Variants in ATP11A observed in about 807,000 individuals in gnomAD.
The protein encoded by ATP11A is phospholipid-transporting ATPase IH.
A neutral mutation model predicts 154.4 loss-of-function variants in ATP11A; 81 were observed. The ratio of observed to expected loss-of-function variants is 0.52; its 90% CI spans 0.44 to 0.63. The LOEUF is 0.63. Ranked by LOEUF, ATP11A falls within the 30% of genes least tolerant of loss-of-function variation. The probability of loss-of-function intolerance (pLI) is 0.00; values close to 1 mark genes in which losing one functional copy is unlikely to be tolerated. For synonymous variants in ATP11A, 623 were observed against 585.9 expected (o/e 1.06, Z -0.91); for missense variants, 1,316 against 1,474.3 (o/e 0.89, Z 1.76).
intron 1 of ATP11A, among the ~76,000 whole-genome samples, chr13:112,749,423 A>G (rs2139802272): frequency 6.6e-6 from 1 of 152,358 alleles, no homozygotes; most frequent in African/African-American, 2.4e-5. Flanking sequence ...CATTCTCAAA[A>G]ATATTCCCAG....
At chr13:112,848,266 C>G (rs557730458) in intron 17 of ATP11A, among the ~76,000 whole-genome samples, 1 of 152,280 alleles carries the variant, frequency 6.6e-6, no homozygotes, top group African/African-American at 2.4e-5. Flanking sequence ...TGGTATTTTT[C>G]AGCCTTGAGT....
chr13:112,715,286 C>T (rs1384510271), intron 1 of ATP11A, among the ~76,000 whole-genome samples: 1 of 152,046 alleles, frequency 6.6e-6, no homozygotes, highest in Non-Finnish European at 1.5e-5. Context: ...AGAGAGGCAC[C>T]AACCTGGGGT....
At chr13:112,774,560 A>G (rs1283950427) in intron 1 of ATP11A, among the ~76,000 whole-genome samples, 1 of 152,234 alleles carries the variant, frequency 6.6e-6, no homozygotes, top group Admixed American at 6.5e-5. Flanking sequence ...ACCCACTCAC[A>G]AAAGACGTGT....
intron 1 of ATP11A, among the ~76,000 whole-genome samples, chr13:112,716,852 C>T (rs746934319): frequency 2.6e-5 from 4 of 152,032 alleles, no homozygotes; most frequent in African/African-American, 7.3e-5. Context: ...TCAATTTCTG[C>T]GTTCTAAAGA....
chr13:112,702,482 G>C (rs112107944), intron 1 of ATP11A, among the ~76,000 whole-genome samples: 1,849 of 152,328 alleles, frequency 0.012, 39 homozygotes, highest in East Asian at 0.051. Flanking sequence ...GCGTGATGGT[G>C]TCTCCCTCTG....
At chr13:112,783,773 C>T (rs991886475) in intron 1 of ATP11A, among the ~76,000 whole-genome samples, 14 of 152,250 alleles carry the variant, frequency 9.2e-5, no homozygotes, top group African/African-American at 3.1e-4. Flanking sequence ...TTGGATTTCC[C>T]GTTACGAGCT....
At chr13:112,749,780 G>A (rs1240405908) in intron 1 of ATP11A, among the ~76,000 whole-genome samples, 25 of 148,272 alleles carry the variant, frequency 1.7e-4, no homozygotes, top group African/African-American at 6.3e-4. Flanking sequence ...GTGGGGACAC[G>A]CCTGCTGAAG....
chr13:112,816,026 G>C (rs1038368113), intron 5 of ATP11A, 57 bp from the exon 6 acceptor site: 1 of 1,608,308 alleles, frequency 6.2e-7, no homozygotes, highest in African/African-American at 1.3e-5. Context: ...CCCACAGGAC[G>C]GGCAAGCTTT....
intron 29 of ATP11A, chr13:112,880,153 G>T: frequency 6.5e-6 from 1 of 154,072 alleles, no homozygotes. Flanking sequence ...CCGTCGCAGG[G>T]CCCTGGTAGA....
intron 1 of ATP11A, among the ~76,000 whole-genome samples, chr13:112,704,368 GCTCT>G (rs767223972): frequency 5.2e-4 from 79 of 152,332 alleles, no homozygotes; most frequent in Non-Finnish European, 9.4e-4. Context: ...GGTACTTTGC[GCTCT>G]CTTTCACTGA....
Position 112,832,765 on chromosome 13 carries a change from C to A in ATP11A, c.1396-95C>A, listed in dbSNP as rs191733183. The A allele has an allele frequency of 5.3e-5, 79 of 1,487,010 alleles. No homozygotes were observed. The African/African-American group carries it at 9.2e-4, about 17-fold the overall frequency. 92.1% of individuals were successfully genotyped at this position (1,487,010 alleles called of 1,614,324 possible). On this transcript the variant is annotated intron_variant, in intron 13 of 29. Coordinates refer to ENST00000375645, the MANE Select transcript of ATP11A (RefSeq NM_015205.3). ...TGCCTTCGTGGCCGCGGGGACCCCCCCCACCCCGCTTCTTGTTATCTCTCT... is the reference window on the plus strand; with the variant it reads ...TGCCTTCGTGGCCGCGGGGACCCCCACCACCCCGCTTCTTGTTATCTCTCT...
Position 112,875,214 on chromosome 13 carries a change from C to T in ATP11A, c.3162-562C>T, listed in dbSNP as rs536058548. On this transcript the variant is annotated intron_variant, in intron 27 of 29. Transcript: ENST00000375645. This position sits in a 1 kb window ranked among gnomAD's most constrained non-coding sequence, Gnocchi z 4.1. Reference sequence around the variant, plus strand: ...CTATCTCTGTGTCTCTGCCACCATCCGTAGTGCCTGGGATGTGAAAGGCGA... The same window carrying T: ...CTATCTCTGTGTCTCTGCCACCATCTGTAGTGCCTGGGATGTGAAAGGCGA... Among the ~76,000 whole-genome samples the T allele has an allele frequency of 3.9e-5, 6 of 152,314 alleles. No individual in the cohort carries two copies. The East Asian group carries it at 5.8e-4, about 15-fold the overall frequency.
chr13:112,851,267 G>A, intron 18 of ATP11A, 49 bp downstream of exon 18: 1 of 1,579,114 alleles, frequency 6.3e-7, no homozygotes. Context: ...TGGGATGCAG[G>A]CCGACGGCCC....
intron 1 of ATP11A, among the ~76,000 whole-genome samples, chr13:112,739,218 G>A (rs1296372350): frequency 6.6e-6 from 1 of 152,206 alleles, no homozygotes; most frequent in Non-Finnish European, 1.5e-5. Context: ...TTGGCAGAGA[G>A]TGGCTCTGGT....
intron 13 of ATP11A, among the ~76,000 whole-genome samples, chr13:112,832,447 G>A (rs190068753): frequency 3.5e-4 from 53 of 152,328 alleles, no homozygotes; most frequent in African/African-American, 1.2e-3. Flanking sequence ...GCTTTGGTTA[G>A]GAGAACGTCC....
At chr13:112,730,915 G>C (rs897731748) in intron 1 of ATP11A, among the ~76,000 whole-genome samples, 3 of 152,138 alleles carry the variant, frequency 2.0e-5, no homozygotes, top group African/African-American at 7.2e-5. Context: ...TGGGACAGGT[G>C]TTCTTTCCGT....
intron 14 of ATP11A, among the ~76,000 whole-genome samples, chr13:112,833,272 C>T (rs1484350626): frequency 6.6e-6 from 1 of 152,166 alleles, no homozygotes; most frequent in African/African-American, 2.4e-5. Flanking sequence ...GGCTTTTCCT[C>T]CTGAGGTCTG....
chr13:112,810,498 C>G lies in ATP11A; in HGVS notation c.334-121C>G, dbSNP rs1157179767. On this transcript the variant is annotated intron_variant, in intron 4 of 29. Coordinates refer to ENST00000375645, the MANE Select transcript of ATP11A (RefSeq NM_015205.3). Reference sequence around the variant, plus strand: ...GTGCATCCTCATGCTGAAAAATACACCCCCACAGGCTTGGATTATGCTTAG... The same window carrying G: ...GTGCATCCTCATGCTGAAAAATACAGCCCCACAGGCTTGGATTATGCTTAG... 6.2e-5 allele frequency: 49 copies of G among 784,854 alleles called. 1 individual carries two copies. In the Middle Eastern group the frequency reaches 1.3e-3, roughly 21 times the overall value. The allele number at this position is 784,854 out of a possible 1,614,324, so 48.6% of individuals were successfully genotyped here. A position where few individuals can be genotyped will look rare whatever the true frequency, so the allele number is the denominator to read the frequency against.
At chr13:112,713,135 A>C (rs166864) in intron 1 of ATP11A, among the ~76,000 whole-genome samples, 1 of 152,152 alleles carries the variant, frequency 6.6e-6, no homozygotes, top group Non-Finnish European at 1.5e-5. Context: ...GGTGGCTCAC[A>C]CCTGGAATCC....
Sources: gnomAD v4.1 joint callset for allele counts (sites outside exome capture counted in the v4.1 genomes callset) on GRCh38, gnomAD v4.1.1 for gene constraint, Gnocchi (gnomAD v3.1) non-coding constraint, MANE v1.5 for transcripts, NCBI Gene and HGNC (gene_info 2026-07-23, HGNC 2026-07-21) for gene names.